UNC5D: variants seen among roughly 807,000 people sequenced by gnomAD.
The protein encoded by UNC5D is netrin receptor UNC5D.
A neutral mutation model predicts 105.4 loss-of-function variants in UNC5D; 39 were observed. The observed-to-expected ratio is 0.37, with a 90% CI of 0.29 to 0.48. The LOEUF (loss-of-function observed/expected upper bound fraction) is 0.48, where lower values mean the gene tolerates loss of function less well. Among genes scored for constraint, UNC5D ranks in the 20% least tolerant of loss-of-function variants. The probability of loss-of-function intolerance (pLI) is 0.98; values close to 1 mark genes in which losing one functional copy is unlikely to be tolerated. For missense variants in UNC5D, 991 were observed against 1,202.4 expected, an observed-to-expected ratio of 0.82 and a Z score of 2.60; for synonymous variants, 452 against 450.4, an observed-to-expected ratio of 1.00 and a Z score of -0.04.
At chr8:35,284,617 C>T (rs531611849) in intron 1 of UNC5D, among the ~76,000 whole-genome samples, 16 of 152,230 alleles carry the variant, frequency 1.1e-4, no homozygotes, top group African/African-American at 2.9e-4. Flanking sequence ...TGCAGTGGCA[C>T]GACCTCAGCT....
chr8:35,525,907 C>G lies in UNC5D; in HGVS notation c.104-23385C>G, dbSNP rs1446112215. 15 of 720,414 alleles carry G rather than the reference C, an allele frequency of 2.1e-5. No homozygotes were observed. The East Asian group carries it at 3.0e-4, about 14-fold the overall frequency. The allele number at this position is 720,414 out of a possible 1,614,324, so 44.6% of individuals were successfully genotyped here. On this transcript the variant is annotated intron_variant, in intron 1 of 16. Coordinates refer to ENST00000404895, the MANE Select transcript of UNC5D (RefSeq NM_080872.4). Reference sequence around the variant, plus strand: ...GAAAATTTTCTTTTCTCTCCCTGCACTGGAGTGTTCATAAAGAGTCTACAA... The same window carrying G: ...GAAAATTTTCTTTTCTCTCCCTGCAGTGGAGTGTTCATAAAGAGTCTACAA...
At chr8:35,447,541 T>C (rs1807878891) in intron 1 of UNC5D, among the ~76,000 whole-genome samples, 1 of 152,122 alleles carries the variant, frequency 6.6e-6, no homozygotes. Context: ...CTAAGCCTGT[T>C]TCTACAAGTA....
chr8:35,788,836 G>A lies in UNC5D; in HGVS notation c.2658-1523G>A, dbSNP rs1040624275. On this transcript the variant is annotated intron_variant, in intron 16 of 16. Coordinates refer to ENST00000404895, the MANE Select transcript of UNC5D (RefSeq NM_080872.4). ...GATGAGAATTGAACCATTGGACACA[G>A]CCAAACACCACTGGGATTTCGAACC... Among the ~76,000 whole-genome samples the A allele has an allele frequency of 6.4e-4, 97 of 151,810 alleles. 2 individuals are homozygous for A. The highest frequency in any genetic ancestry group is 6.4e-3 in the Admixed American group (97 of 15,220).
intron 1 of UNC5D, among the ~76,000 whole-genome samples, chr8:35,397,095 C>T (rs1311598515): frequency 1.3e-5 from 2 of 148,350 alleles, no homozygotes; most frequent in African/African-American, 2.5e-5. Flanking sequence ...TTAGTAAAGA[C>T]AGGTTTCACC....
At chr8:35,266,048 T>G (rs1554498017) in intron 1 of UNC5D, among the ~76,000 whole-genome samples, 1 of 152,072 alleles carries the variant, frequency 6.6e-6, no homozygotes, top group African/African-American at 2.4e-5. Context: ...TTTCTGACTG[T>G]ATGTGTTTAA....
intron 16 of UNC5D, among the ~76,000 whole-genome samples, chr8:35,787,499 C>A (rs976063305): frequency 2.0e-5 from 3 of 152,100 alleles, no homozygotes; most frequent in Non-Finnish European, 4.4e-5. Flanking sequence ...CTTCAGTGTG[C>A]CTTCTACCTG....
At chr8:35,298,681 T>C (rs1397670672) in intron 1 of UNC5D, among the ~76,000 whole-genome samples, 1 of 144,780 alleles carries the variant, frequency 6.9e-6, no homozygotes, top group East Asian at 2.1e-4. Flanking sequence ...ATGTGTTCAA[T>C]AGCAGTAGAG....
chr8:35,546,503 T>C (rs1815691913), intron 1 of UNC5D, among the ~76,000 whole-genome samples: 1 of 152,240 alleles, frequency 6.6e-6, no homozygotes, highest in African/African-American at 2.4e-5. Flanking sequence ...AGATTGCATG[T>C]CTGTACGTGT....
intron 1 of UNC5D, chr8:35,525,234 T>C: frequency 1.9e-6 from 3 of 1,611,924 alleles, no homozygotes; most frequent in Non-Finnish European, 2.5e-6. Flanking sequence ...TTGCAGTATC[T>C]TTTGGCTTTC....
At position 35,679,360 on chromosome 8, in the gene UNC5D, GA is replaced by G. The variant is rs533396623; in HGVS notation, c.571-4184del. Reference sequence around the variant, plus strand: ...GGTTGTTAGGTAAGGCCTCTGTGAAGAAATAACATTTGACCTGAGATTTAAA... The same window carrying G: ...GGTTGTTAGGTAAGGCCTCTGTGAAGAATAACATTTGACCTGAGATTTAAA... On this transcript the variant is annotated intron_variant, in intron 4 of 16. Coordinates refer to ENST00000404895, the MANE Select transcript of UNC5D (RefSeq NM_080872.4). 5.9e-3 allele frequency among the ~76,000 whole-genome samples: 899 copies of G among 152,292 alleles called. 13 individuals carry two copies. The highest frequency in any genetic ancestry group is 0.02 in the African/African-American group (833 of 41,556).
intron 1 of UNC5D, among the ~76,000 whole-genome samples, chr8:35,503,097 G>T (rs1049878924): frequency 1.6e-4 from 24 of 152,036 alleles, no homozygotes; most frequent in African/African-American, 4.8e-4. Flanking sequence ...AAGATACCTG[G>T]GTGACTTGTA....
intron 2 of UNC5D, among the ~76,000 whole-genome samples, chr8:35,566,380 C>G (rs752759388): frequency 2.0e-5 from 3 of 152,134 alleles, no homozygotes; most frequent in Admixed American, 2.0e-4. Flanking sequence ...CCTCCTCCAT[C>G]GAGAGTTCTG....
At chr8:35,304,868 T>C (rs924965463) in intron 1 of UNC5D, among the ~76,000 whole-genome samples, 1 of 152,094 alleles carries the variant, frequency 6.6e-6, no homozygotes, top group Non-Finnish European at 1.5e-5. Context: ...GGGAGAAAAA[T>C]AAATTACTTT....
At chr8:35,486,561 TA>T (rs1810835754) in intron 1 of UNC5D, among the ~76,000 whole-genome samples, 1 of 152,242 alleles carries the variant, frequency 6.6e-6, no homozygotes, top group African/African-American at 2.4e-5. Flanking sequence ...AACTAGGTTT[TA>T]TTTTCATCCT....
At chr8:35,312,751 G>C (rs1808990838) in intron 1 of UNC5D, among the ~76,000 whole-genome samples, 1 of 152,158 alleles carries the variant, frequency 6.6e-6, no homozygotes, top group Admixed American at 6.6e-5. Context: ...AGGAAGTGTT[G>C]AATTTATGTT....
Position 35,357,568 on chromosome 8 carries a change from A to G in UNC5D, c.103+121681A>G, listed in dbSNP as rs978152311. Among the ~76,000 whole-genome samples, 3 of 152,224 alleles carry G rather than the reference A, an allele frequency of 2.0e-5. No individual in the cohort carries two copies. In the East Asian group the frequency reaches 5.8e-4, roughly 30 times the overall value. On this transcript the variant is annotated intron_variant, in intron 1 of 16. Coordinates refer to ENST00000404895, the MANE Select transcript of UNC5D (RefSeq NM_080872.4). ...ATTTTACCCTCTTATTTCCCCCAGGATAGATGTATTGAATATTACTGTGTT... is the reference window on the plus strand; with the variant it reads ...ATTTTACCCTCTTATTTCCCCCAGGGTAGATGTATTGAATATTACTGTGTT...
intron 1 of UNC5D, among the ~76,000 whole-genome samples, chr8:35,343,379 G>A (rs1160563757): frequency 3.9e-5 from 6 of 152,004 alleles, no homozygotes. Flanking sequence ...AACCTGATGG[G>A]CAAATAATAA....
intron 1 of UNC5D, among the ~76,000 whole-genome samples, chr8:35,242,334 G>T (rs1375855626): frequency 2.6e-5 from 4 of 152,290 alleles, no homozygotes; most frequent in Middle Eastern, 3.4e-3. Flanking sequence ...TAAGTAACTG[G>T]TAGGCAGGCA....
At chr8:35,670,356 C>G (rs1212579877) in intron 4 of UNC5D, among the ~76,000 whole-genome samples, 1 of 152,088 alleles carries the variant, frequency 6.6e-6, no homozygotes, top group African/African-American at 2.4e-5. Context: ...TTTTGTTTAC[C>G]TATTTTTTAA....
Sources: allele counts gnomAD v4.1 joint callset (sites outside exome capture counted in the v4.1 genomes callset), GRCh38; gene constraint gnomAD v4.1.1; transcripts MANE v1.5; gene names NCBI Gene and HGNC (gene_info 2026-07-23, HGNC 2026-07-21).